PHTF2: variants seen among roughly 807,000 people sequenced by gnomAD.
PHTF2 encodes the protein putative homeodomain transcription factor 2, also known as protein PHTF2.
Under a neutral mutation model 101.2 loss-of-function variants are expected in PHTF2, and 60 were observed. The ratio of observed to expected loss-of-function variants is 0.59; its 90% CI spans 0.48 to 0.73. The LOEUF (loss-of-function observed/expected upper bound fraction) is 0.73, where lower values mean the gene tolerates loss of function less well. Among genes scored for constraint, PHTF2 ranks in the 30% least tolerant of loss-of-function variants. PHTF2 has a pLI of 0.00. For missense variants in PHTF2, 747 were observed against 908.7 expected, an observed-to-expected ratio of 0.82 and a Z score of 2.29; for synonymous variants, 311 against 307.3, an observed-to-expected ratio of 1.01 and a Z score of -0.13.
intron 3 of PHTF2, among the ~76,000 whole-genome samples, chr7:77,886,553 A>G (rs1261083345): frequency 6.6e-6 from 1 of 152,172 alleles, no homozygotes; most frequent in Non-Finnish European, 1.5e-5. Flanking sequence ...GAAACATATA[A>G]AATTAGAGTA....
intron 1 of PHTF2, among the ~76,000 whole-genome samples, chr7:77,834,172 G>C (rs1241618193): frequency 1.3e-5 from 2 of 151,912 alleles, no homozygotes; most frequent in Non-Finnish European, 2.9e-5. Flanking sequence ...AAATTAGCCA[G>C]GCATCATGGT....
In PHTF2 at chr7:77,828,230, T is replaced by A. The variant is rs17158493; in HGVS notation, c.-35-11991T>A. Among the ~76,000 whole-genome samples, 855 of 152,288 alleles carry A rather than the reference T, an allele frequency of 5.6e-3. 7 individuals are homozygous for A. Among genetic ancestry groups the A allele is most frequent in the African/African-American group, 0.019 (810 of 41,550 alleles). On this transcript the variant is annotated intron_variant, in intron 1 of 19. Transcript: ENST00000416283. ...TTAAACCATTTAAATGGATCATATT[T>A]CATTACTGATTTTTCTAAGCAGCAC...
At chr7:77,917,801 C>T (rs1803072006) in intron 9 of PHTF2, among the ~76,000 whole-genome samples, 1 of 152,180 alleles carries the variant, frequency 6.6e-6, no homozygotes, top group African/African-American at 2.4e-5. Context: ...TGGCAGGCTG[C>T]CTTTGTTTGT....
At chr7:77,846,206 GC>G (rs1796269245) in intron 2 of PHTF2, among the ~76,000 whole-genome samples, 1 of 152,136 alleles carries the variant, frequency 6.6e-6, no homozygotes, top group African/African-American at 2.4e-5. Context: ...AGGTCTTACA[GC>G]CAAAGAATGT....
exon 13 of PHTF2, chr7:77,937,757 A>T (rs1305823916): frequency 1.3e-6 from 2 of 1,499,790 alleles, no homozygotes; most frequent in Admixed American, 1.9e-5. Flanking sequence ...TAGAAAAAAT[A>T]AGTGCTATAG....
chr7:77,907,288 C>A (rs145657318), intron 7 of PHTF2, among the ~76,000 whole-genome samples: 99 of 152,124 alleles, frequency 6.5e-4, no homozygotes, highest in African/African-American at 2.2e-3. Context: ...CTTACAGTTA[C>A]ATACAGCTGA....
intron 9 of PHTF2, among the ~76,000 whole-genome samples, chr7:77,917,260 G>A (rs1456367482): frequency 6.6e-6 from 1 of 151,982 alleles, no homozygotes; most frequent in Non-Finnish European, 1.5e-5. Context: ...CTTACTTTCT[G>A]GCACAACAAA....
intron 3 of PHTF2, among the ~76,000 whole-genome samples, chr7:77,881,866 A>C (rs1045234887): frequency 1.3e-5 from 2 of 152,234 alleles, no homozygotes; most frequent in Non-Finnish European, 2.9e-5. Flanking sequence ...GGTATGCAAC[A>C]GTACTTACTT....
At chr7:77,937,043 G>A (rs1006630816) in intron 12 of PHTF2, among the ~76,000 whole-genome samples, 4 of 151,938 alleles carry the variant, frequency 2.6e-5, no homozygotes, top group Non-Finnish European at 4.4e-5. Context: ...TACTCAGGAG[G>A]CTGAGTGCTT....
intron 5 of PHTF2, among the ~76,000 whole-genome samples, chr7:77,897,021 A>G (rs941649561): frequency 3.9e-5 from 6 of 152,200 alleles, no homozygotes; most frequent in African/African-American, 1.4e-4. Context: ...ATAACTAAAA[A>G]CTTTGATTTT....
intron 3 of PHTF2, among the ~76,000 whole-genome samples, chr7:77,863,787 G>GTTTTT (rs368245678): frequency 5.3e-5 from 7 of 132,172 alleles, no homozygotes; most frequent in Non-Finnish European, 4.8e-5. Context: ...GTTTTGTTTT[G>GTTTTT]TTTTTTTTTT....
intron 9 of PHTF2, among the ~76,000 whole-genome samples, chr7:77,915,853 C>G (rs1261641871): frequency 2.0e-5 from 3 of 152,004 alleles, no homozygotes; most frequent in Non-Finnish European, 1.5e-5. Context: ...AAACTACTAG[C>G]CTTGCTGTCC....
chr7:77,946,313 T>G (rs1230865540), intron 16 of PHTF2, among the ~76,000 whole-genome samples: 1 of 152,234 alleles, frequency 6.6e-6, no homozygotes, highest in Non-Finnish European at 1.5e-5. Flanking sequence ...TTTTAAAATT[T>G]GGAGCAAGCA....
At chr7:77,914,090 A>AAAAGAAAT in intron 9 of PHTF2, among the ~76,000 whole-genome samples, 1 of 152,098 alleles carries the variant, frequency 6.6e-6, no homozygotes, top group East Asian at 1.9e-4. Flanking sequence ...AAGGAAAAAA[A>AAAAGAAAT]AAAGAAATAT....
At chr7:77,882,966 G>C (rs1256963327) in intron 3 of PHTF2, among the ~76,000 whole-genome samples, 2 of 152,068 alleles carry the variant, frequency 1.3e-5, no homozygotes, top group South Asian at 2.1e-4. Context: ...GCACATGTGT[G>C]TAATGGACAA....
chr7:77,922,480 A>G (rs1803566933), intron 10 of PHTF2, 143 bp from the exon 10 acceptor site: 3 of 521,318 alleles, frequency 5.8e-6, no homozygotes, highest in Non-Finnish European at 9.7e-6. Flanking sequence ...AAATCAGGTA[A>G]TACTAATTAG....
chr7:77,911,156 T>C (rs1802355907), intron 9 of PHTF2, among the ~76,000 whole-genome samples: 2 of 152,036 alleles, frequency 1.3e-5, no homozygotes, highest in African/African-American at 4.8e-5. Context: ...TTGTACAATG[T>C]ACCATGAGCA....
intron 1 of PHTF2, among the ~76,000 whole-genome samples, chr7:77,838,964 T>G (rs1189597496): frequency 6.6e-6 from 1 of 152,212 alleles, no homozygotes; most frequent in Non-Finnish European, 1.5e-5. Context: ...GTTGATAATT[T>G]TTATTGTATC....
chr7:77,808,943 T>G (rs1793202160), intron 1 of PHTF2, among the ~76,000 whole-genome samples: 1 of 152,202 alleles, frequency 6.6e-6, no homozygotes, highest in East Asian at 1.9e-4. Flanking sequence ...TGGTTCTCAT[T>G]ACTCCCATCA....
Sources: gnomAD v4.1 joint callset for allele counts (sites outside exome capture counted in the v4.1 genomes callset) on GRCh38, gnomAD v4.1.1 for gene constraint, MANE v1.5 for transcripts, NCBI Gene and HGNC (gene_info 2026-07-23, HGNC 2026-07-21) for gene names.